Variants in NPAS3 observed in about 807,000 individuals in gnomAD.
NPAS3 encodes neuronal PAS domain protein 3, also known as neuronal PAS domain-containing protein 3.
NPAS3 carries 14 observed loss-of-function variants against 73.1 expected under a neutral mutation model. The observed-to-expected ratio is 0.19, with a 90% confidence interval of 0.13 to 0.30. The LOEUF is 0.30. Among genes scored for constraint, NPAS3 ranks in the 10% least tolerant of loss-of-function variants. The pLI is 1.00. For synonymous variants in NPAS3, 620 were observed against 541.5 expected (o/e 1.14, Z -2.01); for missense variants, 1,096 against 1,250.0 (o/e 0.88, Z 1.86).
At chr14:33,116,941 T>C (rs1266634763) in intron 2 of NPAS3, among the ~76,000 whole-genome samples, 1 of 152,162 alleles carries the variant, frequency 6.6e-6, no homozygotes, top group African/African-American at 2.4e-5. Context: ...AAAGTATTAA[T>C]AAATATTGAT....
chr14:33,726,350 CT>C (rs533017275), intron 6 of NPAS3, among the ~76,000 whole-genome samples: 67 of 152,312 alleles, frequency 4.4e-4, no homozygotes, highest in African/African-American at 1.5e-3. Context: ...ATCACTCAAT[CT>C]TGGACAAAAA....
chr14:32,972,408 A>G (rs921001531), intron 1 of NPAS3, among the ~76,000 whole-genome samples: 1 of 152,202 alleles, frequency 6.6e-6, no homozygotes, highest in Non-Finnish European at 1.5e-5. Context: ...TGTCTGTTCT[A>G]TTTTTGAAGA....
At chr14:33,797,311 T>A in intron 10 of NPAS3, 146 bp from the exon 11 acceptor site, 1 of 871,808 alleles carries the variant, frequency 1.1e-6, no homozygotes, top group South Asian at 1.8e-5. Context: ...TAAAATCCCA[T>A]GAAGAGCTGA....
rs368594465 is a variant in NPAS3, at chr14:33,635,951, C to CT, written c.559-40250dup. On this transcript the variant is annotated intron_variant, in intron 5 of 11. Transcript: ENST00000356141. ...GGACTGTAAACACGACTAGACCTAA[C>CT]TTTTTTTTTTAAGACGGAGTTTTGC... is the stretch of plus-strand genomic sequence containing the variant. Among the ~76,000 whole-genome samples, 666 of 150,642 alleles carry CT rather than the reference C, an allele frequency of 4.4e-3. 5 individuals are homozygous for CT. The highest frequency in any genetic ancestry group is 0.015 in the African/African-American group (633 of 41,110).
At chr14:33,501,678 G>T (rs2052525436) in intron 4 of NPAS3, among the ~76,000 whole-genome samples, 1 of 150,366 alleles carries the variant, frequency 6.7e-6, no homozygotes, top group Admixed American at 6.6e-5. Flanking sequence ...CTAGATTTCA[G>T]GTTCATGACT....
intron 3 of NPAS3, among the ~76,000 whole-genome samples, chr14:33,306,756 T>C (rs1750441488): frequency 6.6e-6 from 1 of 152,230 alleles, no homozygotes; most frequent in South Asian, 2.1e-4. Context: ...TTAGAGTTTA[T>C]TAACCTGGCC....
intron 2 of NPAS3, among the ~76,000 whole-genome samples, chr14:33,069,117 C>A (rs1473720355): frequency 1.3e-5 from 2 of 152,068 alleles, no homozygotes; most frequent in Non-Finnish European, 2.9e-5. Context: ...CAGAGGCTAT[C>A]AGCATAATCA....
At chr14:32,983,986 T>G (rs1473137842) in intron 1 of NPAS3, among the ~76,000 whole-genome samples, 1 of 152,220 alleles carries the variant, frequency 6.6e-6, no homozygotes, top group Non-Finnish European at 1.5e-5. Flanking sequence ...CCTCCCAAAG[T>G]GCTGGGATTA....
intron 2 of NPAS3, among the ~76,000 whole-genome samples, chr14:33,113,375 G>A (rs2042959137): frequency 6.6e-6 from 1 of 152,084 alleles, no homozygotes; most frequent in Non-Finnish European, 1.5e-5. Flanking sequence ...CCTTGAAGAG[G>A]TCCTTCACGT....
intron 3 of NPAS3, among the ~76,000 whole-genome samples, chr14:33,279,825 TAGC>T (rs2041513755): frequency 6.6e-6 from 1 of 152,132 alleles, no homozygotes; most frequent in Non-Finnish European, 1.5e-5. Context: ...ATGCCCAAAA[TAGC>T]AGGTTGAATC....
At chr14:33,518,910 A>G (rs890490822) in intron 4 of NPAS3, among the ~76,000 whole-genome samples, 22 of 152,270 alleles carry the variant, frequency 1.4e-4, no homozygotes, top group African/African-American at 4.6e-4. Flanking sequence ...GGTCTAGCCA[A>G]TAGTAGACTC....
chr14:33,225,508 G>T (rs921918428), intron 3 of NPAS3, among the ~76,000 whole-genome samples: 1 of 152,196 alleles, frequency 6.6e-6, no homozygotes, highest in African/African-American at 2.4e-5. Flanking sequence ...TTTAGCTGTT[G>T]TTGGCCATAA....
At chr14:33,605,399 A>AG (rs1346817983) in intron 5 of NPAS3, among the ~76,000 whole-genome samples, 1 of 151,384 alleles carries the variant, frequency 6.6e-6, no homozygotes, top group Non-Finnish European at 1.5e-5. Context: ...AAATTAAAAA[A>AG]AAAAAAAAAA....
intron 3 of NPAS3, among the ~76,000 whole-genome samples, chr14:33,338,165 G>C (rs4982076): frequency 6.6e-6 from 1 of 151,988 alleles, no homozygotes; most frequent in Non-Finnish European, 1.5e-5. Flanking sequence ...TAGCTTCAAG[G>C]CAAAAGGGGA....
intron 3 of NPAS3, among the ~76,000 whole-genome samples, chr14:33,348,199 T>C (rs544710506): frequency 6.6e-6 from 1 of 152,294 alleles, no homozygotes; most frequent in South Asian, 2.1e-4. Context: ...GGTTGCTAAA[T>C]AGCAAAATCA....
At chr14:33,129,646 T>A (rs1211136510) in intron 2 of NPAS3, among the ~76,000 whole-genome samples, 6 of 152,102 alleles carry the variant, frequency 3.9e-5, no homozygotes, top group Non-Finnish European at 7.4e-5. Context: ...AGTTTTAGAA[T>A]CCAACACAGT....
In NPAS3 at chr14:33,440,988, C is replaced by T. The variant is rs540924369; in HGVS notation, c.468+73720C>T. 5.3e-5 allele frequency among the ~76,000 whole-genome samples: 8 copies of T among 152,168 alleles called. No individual in the cohort carries two copies. In the East Asian group the frequency reaches 5.8e-4, roughly 11 times the overall value. On this transcript the variant is annotated intron_variant, in intron 4 of 11. Transcript: ENST00000356141. ...TTAAGAATGTTTTCCTAGTGTGCCACGGTAATAATGAATTTAGCAAATCAT... is the reference window on the plus strand; with the variant it reads ...TTAAGAATGTTTTCCTAGTGTGCCATGGTAATAATGAATTTAGCAAATCAT...
intron 6 of NPAS3, chr14:33,680,562 T>C: frequency 1.4e-6 from 1 of 701,518 alleles, no homozygotes; most frequent in South Asian, 1.5e-5. Context: ...GCTTTTTCAT[T>C]TTCATGTTTC....
chr14:33,136,063 T>TC (rs201956832), intron 2 of NPAS3, among the ~76,000 whole-genome samples: 5 of 137,758 alleles, frequency 3.6e-5, no homozygotes, highest in Admixed American at 7.0e-5. Flanking sequence ...TTTTTCTTTT[T>TC]TTTTTTTTTT....
Sources: allele counts gnomAD v4.1 joint callset (sites outside exome capture counted in the v4.1 genomes callset), GRCh38; gene constraint gnomAD v4.1.1; transcripts MANE v1.5; gene names NCBI Gene and HGNC (gene_info 2026-07-23, HGNC 2026-07-21).